Variants in EML6 observed in about 807,000 individuals in gnomAD.
The protein encoded by EML6 is EMAP like 6.
EML6 carries 154 observed loss-of-function variants against 240.1 expected under a neutral mutation model. The observed-to-expected ratio is 0.64, with a 90% CI of 0.56 to 0.73. The LOEUF is 0.73. EML6 is among the 30% of genes least tolerant of loss of function. The probability of loss-of-function intolerance (pLI) is 0.00; values close to 1 mark genes in which losing one functional copy is unlikely to be tolerated. For missense variants in EML6, 2,964 were observed against 2,474.6 expected, an observed-to-expected ratio of 1.20 and a Z score of -4.20; for synonymous variants, 1,148 against 899.0, an observed-to-expected ratio of 1.28 and a Z score of -4.95.
At chr2:54,824,086 ACTAC>A (rs1668471986) in intron 5 of EML6, among the ~76,000 whole-genome samples, 1 of 152,076 alleles carries the variant, frequency 6.6e-6, no homozygotes, top group Non-Finnish European at 1.5e-5. Flanking sequence ...TCTTTAGTGA[ACTAC>A]CTTGCCTTAA....
chr2:54,757,360 G>A (rs1667780713), intron 2 of EML6, among the ~76,000 whole-genome samples: 1 of 152,138 alleles, frequency 6.6e-6, no homozygotes, highest in Non-Finnish European at 1.5e-5. Flanking sequence ...GTGTTAAGGT[G>A]GTGCACCGCC....
At chr2:54,763,240 C>G (rs73934842) in intron 2 of EML6, among the ~76,000 whole-genome samples, 3,728 of 152,244 alleles carry the variant, frequency 0.024, 157 homozygotes, top group African/African-American at 0.085. Flanking sequence ...TTTCTTTACA[C>G]TGAGCATGAA....
At chr2:54,866,041 G>C (rs1462998080) in intron 13 of EML6, among the ~76,000 whole-genome samples, 1 of 152,174 alleles carries the variant, frequency 6.6e-6, no homozygotes, top group East Asian at 1.9e-4. Flanking sequence ...CAAAACAGTA[G>C]TGAGAGTTCT....
intron 28 of EML6, among the ~76,000 whole-genome samples, chr2:54,945,243 CCT>C (rs1388295307): frequency 5.3e-5 from 4 of 75,694 alleles, no homozygotes; most frequent in Non-Finnish European, 1.1e-4. Flanking sequence ...TTCTCTCTCC[CCT>C]CTCTCTCTCC....
At chr2:54,853,613 A>C in intron 10 of EML6, 30 bp from the exon 11 acceptor site, 2 of 1,283,766 alleles carry the variant, frequency 1.6e-6, no homozygotes, top group South Asian at 1.7e-5. Context: ...CTTTTTATTT[A>C]AATGTAATGT....
intron 2 of EML6, among the ~76,000 whole-genome samples, chr2:54,810,828 T>A (rs531332391): frequency 1.3e-5 from 2 of 152,260 alleles, no homozygotes; most frequent in South Asian, 4.2e-4. Flanking sequence ...ATCCTCTTCT[T>A]CCTAGCCTTT....
chr2:54,819,720 A>C (rs538064591), intron 4 of EML6, among the ~76,000 whole-genome samples: 1 of 107,128 alleles, frequency 9.3e-6, no homozygotes, highest in African/African-American at 2.9e-5. Context: ...AGTTGCAGTG[A>C]GCCGAGATCA....
chr2:54,829,401 G>A lies in EML6; in HGVS notation c.771G>A (p.Gly257=), dbSNP rs193053379. The A allele has an allele frequency of 1.3e-4, 207 of 1,551,760 alleles. No individual in the cohort carries two copies. In the African/African-American group the frequency reaches 2.3e-3, roughly 18 times the overall value. Residue 257 remains glycine, a synonymous_variant, in exon 7 of 42, where the codon GGG becomes GGA. Transcript: ENST00000356458. ...GCTTTGCCACTGGTGGGCGAGATGG[G>A]TGTATACGACTGTGGGACACTGATT... ...EEGFATGGRD[G]CIRLWDTDFK... is the part of the protein sequence containing the mutation.
intron 17 of EML6, among the ~76,000 whole-genome samples, chr2:54,883,902 T>C (rs1433535290): frequency 2.6e-5 from 4 of 152,202 alleles, no homozygotes; most frequent in African/African-American, 9.6e-5. Context: ...ATAACCTTGG[T>C]GTTTTTATGA....
Position 54,916,839 on chromosome 2 carries a change from A to C in EML6, c.3579A>C (p.Ile1193=). 6.4e-7 allele frequency: 1 copy of C among 1,551,048 alleles called. No homozygotes were observed. The highest frequency in any genetic ancestry group is 8.7e-7 in the Non-Finnish European group (1 of 1,146,430). Residue 1193 remains isoleucine (I), a synonymous_variant, in exon 26 of 42, where the codon ATA becomes ATC. Coordinates refer to ENST00000356458, the MANE Select transcript of EML6 (RefSeq NM_001039753.4). The stretch of plus-strand genomic sequence containing the variant: ...GAATCTGGCCAGCACATAGCGATAT[A>C]ACTGACGTAAATGCTGCCAGTCTTA... ...CEGIWPAHSD[I]TDVNAASLTK... is the part of the protein sequence containing the mutation.
intron 13 of EML6, 69 bp from the exon 14 acceptor site, chr2:54,866,697 G>A: frequency 1.3e-6 from 1 of 784,100 alleles, no homozygotes; most frequent in Non-Finnish European, 2.1e-6. Context: ...TTACAAGAAT[G>A]TCAAGATGCT....
intron 10 of EML6, among the ~76,000 whole-genome samples, chr2:54,852,786 AT>A (rs1250998345): frequency 6.6e-6 from 1 of 152,216 alleles, no homozygotes; most frequent in Non-Finnish European, 1.5e-5. Context: ...GAAAATACTT[AT>A]TCTGAGAGAG....
chr2:54,860,630 A>G (rs531186863), intron 12 of EML6, among the ~76,000 whole-genome samples: 2 of 152,296 alleles, frequency 1.3e-5, no homozygotes, highest in East Asian at 3.9e-4. Flanking sequence ...CCCAACTTTT[A>G]TAGCTTCCAC....
At chr2:54,789,591 A>G (rs1558549586) in intron 2 of EML6, among the ~76,000 whole-genome samples, 1 of 150,628 alleles carries the variant, frequency 6.6e-6, no homozygotes, top group Non-Finnish European at 1.5e-5. Context: ...GTGGGACGTA[A>G]CTGGCCCACC....
At position 54,866,635 on chromosome 2, in the gene EML6, C is replaced by T. The variant is rs1218144018; in HGVS notation, c.1933-131C>T. 4 of 489,956 alleles carry T rather than the reference C, an allele frequency of 8.2e-6. No individual in the cohort carries two copies. The East Asian group carries it at 9.3e-5, about 11-fold the overall frequency. The allele number at this position is 489,956 out of a possible 1,614,324, so 30.4% of individuals were successfully genotyped here. A position where few individuals can be genotyped will look rare whatever the true frequency, so the allele number is the denominator to read the frequency against. On this transcript the variant is annotated intron_variant, in intron 13 of 41. Coordinates refer to ENST00000356458, the MANE Select transcript of EML6 (RefSeq NM_001039753.4). Reference sequence around the variant, plus strand: ...TTATTCATTAGGAAAAAGTAATATTCATTCTCATGTCTTAAGTTTTCAAAG... The same window carrying T: ...TTATTCATTAGGAAAAAGTAATATTTATTCTCATGTCTTAAGTTTTCAAAG...
intron 10 of EML6, among the ~76,000 whole-genome samples, chr2:54,851,502 T>C (rs1289169680): frequency 7.3e-6 from 1 of 136,174 alleles, no homozygotes; most frequent in Non-Finnish European, 1.7e-5. Context: ...GATAAAGACA[T>C]AATGTTAGGA....
intron 30 of EML6, among the ~76,000 whole-genome samples, chr2:54,952,208 C>T (rs1046915403): frequency 6.6e-6 from 1 of 152,176 alleles, no homozygotes; most frequent in Non-Finnish European, 1.5e-5. Flanking sequence ...TCCACCCCTA[C>T]TTCTGCCCAG....
chr2:54,942,875 G>C (rs796764642), intron 28 of EML6, among the ~76,000 whole-genome samples: 1 of 152,058 alleles, frequency 6.6e-6, no homozygotes, highest in African/African-American at 2.4e-5. Flanking sequence ...TTTTCCCCAA[G>C]TTCATCAGCC....
chr2:54,801,009 A>G (rs1408868212), intron 2 of EML6, among the ~76,000 whole-genome samples: 3 of 152,102 alleles, frequency 2.0e-5, no homozygotes, highest in African/African-American at 4.8e-5. Context: ...CCTGGACATT[A>G]AATTCTGTTC....
Sources: gnomAD v4.1 joint callset for allele counts (sites outside exome capture counted in the v4.1 genomes callset) on GRCh38, gnomAD v4.1.1 for gene constraint, MANE v1.5 for transcripts, NCBI Gene and HGNC (gene_info 2026-07-23, HGNC 2026-07-21) for gene names.